The following ADAMTS9 variants were observed in gnomAD, a reference collection of about 807,000 sequenced individuals.
The protein encoded by ADAMTS9 is ADAM metallopeptidase with thrombospondin type 1 motif 9.
A neutral mutation model predicts 257.1 loss-of-function variants in ADAMTS9; 107 were observed. The observed-to-expected ratio is 0.42, with a 90% CI of 0.36 to 0.49. The LOEUF is 0.49. ADAMTS9 is among the 20% of genes least tolerant of loss of function. The pLI is 0.03. For missense variants in ADAMTS9, 2,353 were observed against 2,469.1 expected (o/e 0.95, Z 1.00); for synonymous variants, 982 against 880.9 (o/e 1.11, Z -2.03).
intron 26 of ADAMTS9, among the ~76,000 whole-genome samples, chr3:64,598,383 T>C (rs1287794740): frequency 6.6e-6 from 1 of 151,254 alleles, no homozygotes; most frequent in Non-Finnish European, 1.5e-5. Context: ...AGTGGTGCGA[T>C]CACAGGTTAC....
intron 36 of ADAMTS9, among the ~76,000 whole-genome samples, 176 bp from the exon 37 acceptor site, chr3:64,539,470 T>A (rs75431606): frequency 6.6e-6 from 1 of 152,306 alleles, no homozygotes; most frequent in East Asian, 1.9e-4. Flanking sequence ...CACTTGCTTT[T>A]TCCTGATTAT....
At position 64,522,168 on chromosome 3, in the gene ADAMTS9, T is replaced by C. The variant is rs1425130982; in HGVS notation, c.*3A>G. On this transcript the variant is annotated splice_region_variant and 3_prime_UTR_variant, in exon 39 of 40. Transcript: ENST00000498707. The stretch of plus-strand genomic sequence containing the variant: ...CAGACAGACATAGGACTACTTACCT[T>C]AGCTATAAAACTCGCACCTCCAGGC... 2 of 1,613,544 alleles carry C rather than the reference T, an allele frequency of 1.2e-6. No homozygotes were observed. Among genetic ancestry groups the C allele is most frequent in the Non-Finnish European group, 1.7e-6 (2 of 1,179,512 alleles).
intron 12 of ADAMTS9, 144 bp from the exon 13 acceptor site, chr3:64,634,023 C>A (rs1368486362): frequency 9.3e-6 from 7 of 755,274 alleles, no homozygotes; most frequent in Admixed American, 5.7e-5. Flanking sequence ...GAGCTCTGAT[C>A]CCTGGTTTTG....
At position 64,527,646 on chromosome 3, in the gene ADAMTS9, C is replaced by T. The variant is rs549509503; in HGVS notation, c.5719-5386G>A. Among the ~76,000 whole-genome samples the T allele has an allele frequency of 6.6e-5, 10 of 152,190 alleles. No homozygotes were observed. The East Asian group carries it at 1.9e-3, about 29-fold the overall frequency. On this transcript the variant is annotated intron_variant, in intron 38 of 39. Coordinates refer to ENST00000498707, the MANE Select transcript of ADAMTS9 (RefSeq NM_182920.2). ...TGTCCCTGAAATTGCCCATAAAACA[C>T]AGCATATAGGGTTTTTTTTTCTGAA...
rs1225485604 is a variant in ADAMTS9, at chr3:64,616,109, C to G, written c.2875G>C (p.Asp959His). The G allele has an allele frequency of 6.2e-7, 1 of 1,614,154 alleles. No homozygotes were observed. ...CTGCTATATTTGGCACAGTAGATGT[C>G]CAATGTGCGGTAACCCAAGCCACAC... ...AQCGLGYRTL[D>H]IYCAKYSRLD... Residue 959 changes from aspartate to histidine, a missense_variant, in exon 20 of 40, where the codon GAC becomes CAC. Physicochemically the swap from Asp to His is moderately conservative, Grantham distance 81. This residue lies in a region of ADAMTS9 where 1,402 missense variants were observed against 1,441.4 expected (regional missense o/e 0.97). Coordinates refer to ENST00000498707, the MANE Select transcript of ADAMTS9 (RefSeq NM_182920.2).
rs1247272911 is a variant in ADAMTS9 at position 64,661,924 on chromosome 3, G to C, written c.680-3133C>G. Among the ~76,000 whole-genome samples the C allele has an allele frequency of 2.0e-5, 3 of 151,872 alleles. No individual in the cohort carries two copies. The East Asian group carries it at 5.8e-4, about 30-fold the overall frequency. On this transcript the variant is annotated intron_variant, in intron 3 of 39. Coordinates refer to ENST00000498707, the MANE Select transcript of ADAMTS9 (RefSeq NM_182920.2). ...ATTAGTTTTCTATTTCTCATTTGTTGATTTCTGCTCAAATCTCGATTTCTT... is the reference window on the plus strand; with the variant it reads ...ATTAGTTTTCTATTTCTCATTTGTTCATTTCTGCTCAAATCTCGATTTCTT...
Position 64,549,028 on chromosome 3 carries a change from A to C in ADAMTS9, c.4869+1864T>G, listed in dbSNP as rs528321629. ...GAGTAGAGCTCAGAGAAAAACACAC[A>C]AAGAAGCCTCCAGGTAATAGAGGTC... is the stretch of plus-strand genomic sequence containing the variant. On this transcript the variant is annotated intron_variant, in intron 31 of 39. Coordinates refer to ENST00000498707, the MANE Select transcript of ADAMTS9 (RefSeq NM_182920.2). 2.6e-5 allele frequency among the ~76,000 whole-genome samples: 4 copies of C among 152,274 alleles called. No individual in the cohort carries two copies. The South Asian group carries it at 8.3e-4, about 32-fold the overall frequency.
Position 64,541,220 on chromosome 3 carries a change from T to C in ADAMTS9, c.5396A>G (p.Asn1799Ser), listed in dbSNP as rs574455865. The change falls in exon 36 of 40, where the codon AAC becomes AGC. Residue 1799 changes from asparagine (N) to serine (S), a missense_variant. Coordinates refer to ENST00000498707, the MANE Select transcript of ADAMTS9 (RefSeq NM_182920.2). ...FSEVYGHRLH[N>S]PTECPYNGSR... ...CCCGTTATAGGGACATTCTGTTGGG[T>C]TGTGTAACCTAAATTATACAGAGAA... 3.7e-5 allele frequency: 59 copies of C among 1,614,196 alleles called. No individual in the cohort carries two copies. The South Asian group carries it at 5.6e-4, about 15-fold the overall frequency.
intron 8 of ADAMTS9, among the ~76,000 whole-genome samples, chr3:64,652,013 A>C (rs1700943562): frequency 6.6e-6 from 1 of 152,206 alleles, no homozygotes; most frequent in South Asian, 2.1e-4. Context: ...AGTATTTCCT[A>C]AATCCAGAAA....
rs147466758 is a variant in ADAMTS9, at chr3:64,661,854, T to G, written c.680-3063A>C. Among the ~76,000 whole-genome samples the G allele has an allele frequency of 3.6e-3, 555 of 152,292 alleles. 5 individuals are homozygous for G. The highest frequency in any genetic ancestry group is 0.013 in the African/African-American group (535 of 41,572). On this transcript the variant is annotated intron_variant, in intron 3 of 39. Transcript: ENST00000498707. ...CTGTAAATATTACAATTTGATTTAT[T>G]ATAGTAAGTAAAGTGTTAGACATTT...
At position 64,603,418 on chromosome 3, in the gene ADAMTS9, G is replaced by C. The variant is rs571185964; in HGVS notation, c.3747+504C>G. Among the ~76,000 whole-genome samples the C allele has an allele frequency of 4.4e-5, 5 of 113,028 alleles. No individual in the cohort carries two copies. In the South Asian group the frequency reaches 1.2e-3, roughly 28 times the overall value. 74.2% of individuals were successfully genotyped at this position (113,028 alleles called of 152,430 possible). ...CTGCCTAAAGATAAAAGTTCTACTT[G>C]TAAAAAAACCCATAGATAGTGCTTG... On this transcript the variant is annotated intron_variant, in intron 25 of 39. Transcript: ENST00000498707.
chr3:64,517,346 C>T (rs1021482381), intron 39 of ADAMTS9, among the ~76,000 whole-genome samples: 1 of 151,152 alleles, frequency 6.6e-6, no homozygotes, highest in Non-Finnish European at 1.5e-5. Flanking sequence ...GGCAAGCAAT[C>T]CTCCCATCTC....
intron 28 of ADAMTS9, chr3:64,588,324 A>G (rs912088116): frequency 6.6e-6 from 1 of 152,132 alleles, no homozygotes; most frequent in Non-Finnish European, 1.5e-5. Context: ...GCTCCCTTAG[A>G]ACAAAGAGCT....
rs180963198 is a variant in ADAMTS9 at position 64,584,591 on chromosome 3, A to G, written c.4356+9667T>C. 4.9e-4 allele frequency among the ~76,000 whole-genome samples: 74 copies of G among 152,310 alleles called. 1 individual carries two copies. The highest frequency in any genetic ancestry group is 2.0e-3 in the Admixed American group (31 of 15,292). On this transcript the variant is annotated intron_variant, in intron 28 of 39. Coordinates refer to ENST00000498707, the MANE Select transcript of ADAMTS9 (RefSeq NM_182920.2). The stretch of plus-strand genomic sequence containing the variant: ...TACTCTTTACTTCCTTGTGAAGGAA[A>G]AAACACACTCTGAATACATTTGTTT...
At position 64,551,079 on chromosome 3, in the gene ADAMTS9, A is replaced by G. The variant is rs764801357; in HGVS notation, c.4699-17T>C. 3.1e-6 allele frequency: 5 copies of G among 1,613,152 alleles called. No individual in the cohort carries two copies. The South Asian group carries it at 5.5e-5, about 18-fold the overall frequency. ...CTTGGTGCACTGTTAAATACAAGCA[A>G]AAGAGAAGAATAAACCGTAGTTCCT... On this transcript the variant is annotated splice_polypyrimidine_tract_variant and intron_variant, in intron 30 of 39. Coordinates refer to ENST00000498707, the MANE Select transcript of ADAMTS9 (RefSeq NM_182920.2).
At chr3:64,557,823 A>G (rs2083360079) in intron 30 of ADAMTS9, among the ~76,000 whole-genome samples, 1 of 152,210 alleles carries the variant, frequency 6.6e-6, no homozygotes, top group Non-Finnish European at 1.5e-5. Context: ...TGTTGTTTCT[A>G]GGATGTAAAC....
rs771453172 is a variant in ADAMTS9, at chr3:64,613,313, G to A, written c.3354+32C>T. 6.2e-6 allele frequency: 10 copies of A among 1,605,592 alleles called. No individual in the cohort carries two copies. In the African/African-American group the frequency reaches 9.4e-5, roughly 15 times the overall value. On this transcript the variant is annotated intron_variant, in intron 22 of 39. Coordinates refer to ENST00000498707, the MANE Select transcript of ADAMTS9 (RefSeq NM_182920.2). ...CCTCTCCAGATAAGAAGGAAAGAAT[G>A]TAGCAGTTAAGAATCTTATCGTTCA... is the stretch of plus-strand genomic sequence containing the variant.
At chr3:64,664,641 T>C (rs567959406) in intron 3 of ADAMTS9, among the ~76,000 whole-genome samples, 15 of 152,346 alleles carry the variant, frequency 9.8e-5, no homozygotes, top group African/African-American at 2.9e-4. Flanking sequence ...TTCTACTGTA[T>C]GGATATACCA....
rs760558827 is a variant in ADAMTS9, at chr3:64,613,415, G to T, written c.3284C>A (p.Thr1095Asn). Residue 1095 changes from threonine to asparagine, a missense_variant, in exon 22 of 40, where the codon ACC becomes AAC. Coordinates refer to ENST00000498707, the MANE Select transcript of ADAMTS9 (RefSeq NM_182920.2). ...RLNDRMCDPETKPTSMQTCQQ... is the reference protein window; with the variant it reads ...RLNDRMCDPENKPTSMQTCQQ... ...ACAAGTCTGCATAGATGTTGGCTTG[G>T]TCTCAGGGTCACACATTCTATCATT... 53 of 1,613,932 alleles carry T rather than the reference G, an allele frequency of 3.3e-5. No individual in the cohort carries two copies. The highest frequency in any genetic ancestry group is 4.4e-5 in the Non-Finnish European group (52 of 1,179,928).
Sources: allele counts gnomAD v4.1 joint callset (sites outside exome capture counted in the v4.1 genomes callset), GRCh38; gene constraint gnomAD v4.1.1; regional missense constraint gnomAD v4.1.1; transcripts MANE v1.5; gene names NCBI Gene and HGNC (gene_info 2026-07-23, HGNC 2026-07-21).